CTNNA2: variants seen among roughly 807,000 people sequenced by gnomAD.
CTNNA2 encodes catenin alpha-2.
A neutral mutation model predicts 101.0 loss-of-function variants in CTNNA2; 42 were observed. The observed-to-expected ratio is 0.42, with a 90% confidence interval of 0.32 to 0.54. The LOEUF (loss-of-function observed/expected upper bound fraction) is 0.54, where lower values mean the gene tolerates loss of function less well. CTNNA2 is among the 20% of genes least tolerant of loss of function. The probability of loss-of-function intolerance (pLI) is 0.14; values close to 1 mark genes in which losing one functional copy is unlikely to be tolerated. For missense variants in CTNNA2, 871 were observed against 1,223.1 expected, an observed-to-expected ratio of 0.71 and a Z score of 4.29; for synonymous variants, 450 against 456.4, an observed-to-expected ratio of 0.99 and a Z score of 0.18.
chr2:80,560,138 C>T (rs956964942), intron 12 of CTNNA2, among the ~76,000 whole-genome samples: 2 of 151,544 alleles, frequency 1.3e-5, no homozygotes, highest in African/African-American at 4.8e-5. Context: ...ATTAAAATTC[C>T]ATTATTTTGG....
At chr2:79,575,767 A>G (rs555541375) in intron 1 of CTNNA2, among the ~76,000 whole-genome samples, 3 of 152,318 alleles carry the variant, frequency 2.0e-5, no homozygotes, top group East Asian at 3.9e-4. Context: ...TTTTATTCCA[A>G]ACAATATTAA....
intron 4 of CTNNA2, among the ~76,000 whole-genome samples, chr2:79,407,107 A>C (rs1678349371): frequency 6.6e-6 from 1 of 151,926 alleles, no homozygotes. Flanking sequence ...TATAACCCTG[A>C]CCTCCAGCTG....
chr2:80,137,732 GC>G (rs1702773475), intron 7 of CTNNA2, among the ~76,000 whole-genome samples: 1 of 141,144 alleles, frequency 7.1e-6, no homozygotes, highest in Admixed American at 7.2e-5. Flanking sequence ...TGGATCTCCT[GC>G]CTTTTTTTTT....
At chr2:80,641,884 A>G (rs1416053703) in intron 18 of CTNNA2, among the ~76,000 whole-genome samples, 1 of 152,128 alleles carries the variant, frequency 6.6e-6, no homozygotes, top group East Asian at 1.9e-4. Flanking sequence ...TCTTTGTAAA[A>G]ACAGTAAGGA....
chr2:80,526,323 C>G (rs1690030190), intron 9 of CTNNA2, among the ~76,000 whole-genome samples: 1 of 152,196 alleles, frequency 6.6e-6, no homozygotes, highest in African/African-American at 2.4e-5. Context: ...CCTCAGCCTC[C>G]TGAGTAGCTA....
At chr2:79,766,419 G>T (rs1308976326) in intron 3 of CTNNA2, among the ~76,000 whole-genome samples, 1 of 152,166 alleles carries the variant, frequency 6.6e-6, no homozygotes, top group Non-Finnish European at 1.5e-5. Context: ...TCCAGTGCAT[G>T]TTATTTGTTT....
chr2:79,669,140 T>C (rs1219780310), intron 2 of CTNNA2, among the ~76,000 whole-genome samples: 1 of 152,210 alleles, frequency 6.6e-6, no homozygotes, highest in Non-Finnish European at 1.5e-5. Context: ...TTTTCTTAGA[T>C]ATGCCCCACT....
chr2:79,506,317 T>G lies in CTNNA2; in HGVS notation c.-6+1135T>G, dbSNP rs1162901260. ...GTATATTGGTGCATGTGTTACAAGT[T>G]AAAAAAAAAAAAAGGAATTTCTTCA... On this transcript the variant is annotated intron_variant, in intron 5 of 21. Transcript: ENST00000466387. Among the ~76,000 whole-genome samples the G allele has an allele frequency of 2.1e-5, 3 of 141,670 alleles. No individual in the cohort carries two copies. In the South Asian group the frequency reaches 6.8e-4, roughly 32 times the overall value. The allele number at this position is 141,670 out of a possible 152,430, so 92.9% of individuals were successfully genotyped here. A position where few individuals can be genotyped will look rare whatever the true frequency, so the allele number is the denominator to read the frequency against.
At chr2:80,043,961 C>A (rs948163941) in intron 7 of CTNNA2, among the ~76,000 whole-genome samples, 1 of 152,136 alleles carries the variant, frequency 6.6e-6, no homozygotes, top group Non-Finnish European at 1.5e-5. Context: ...TGTATACACA[C>A]CCATGTTTGA....
intron 3 of CTNNA2, among the ~76,000 whole-genome samples, chr2:79,819,684 A>G (rs1558550309): frequency 1.3e-5 from 2 of 152,188 alleles, no homozygotes; most frequent in African/African-American, 4.8e-5. Context: ...TAATGGGTAC[A>G]AAAATACAGT....
intron 2 of CTNNA2, among the ~76,000 whole-genome samples, chr2:79,310,912 A>T (rs1573063652): frequency 6.6e-6 from 1 of 152,316 alleles, no homozygotes; most frequent in East Asian, 1.9e-4. Context: ...TAGAGTGGCC[A>T]TCTGTGCTCA....
chr2:79,393,062 T>C (rs1282812047), intron 4 of CTNNA2, among the ~76,000 whole-genome samples: 1 of 152,156 alleles, frequency 6.6e-6, no homozygotes, highest in African/African-American at 2.4e-5. Flanking sequence ...TGGATAAGGA[T>C]ATGATCAAAA....
chr2:80,313,552 A>C, intron 7 of CTNNA2: 1 of 1,610,676 alleles, frequency 6.2e-7, no homozygotes, highest in Non-Finnish European at 8.5e-7. Context: ...AAGGAAGACG[A>C]ATTGACCAGA....
intron 7 of CTNNA2, among the ~76,000 whole-genome samples, chr2:80,357,083 C>G (rs545993164): frequency 5.9e-5 from 9 of 152,138 alleles, no homozygotes; most frequent in African/African-American, 2.2e-4. Flanking sequence ...TTGAGGAGTG[C>G]TTAAATTATA....
intron 16 of CTNNA2, among the ~76,000 whole-genome samples, chr2:80,606,490 C>A (rs570065317): frequency 6.6e-6 from 1 of 151,098 alleles, no homozygotes; most frequent in African/African-American, 2.4e-5. Context: ...TCAAAATAAA[C>A]GGATTAAGTT....
At chr2:79,950,775 G>A (rs1688824671) in intron 7 of CTNNA2, among the ~76,000 whole-genome samples, 8 of 152,164 alleles carry the variant, frequency 5.3e-5, no homozygotes, top group Admixed American at 5.2e-4. Flanking sequence ...ACAGATGGCT[G>A]GCACATATAA....
At chr2:79,543,311 A>G (rs964346392) in intron 1 of CTNNA2, among the ~76,000 whole-genome samples, 6 of 152,216 alleles carry the variant, frequency 3.9e-5, no homozygotes, top group Non-Finnish European at 8.8e-5. Context: ...GATATCCTAT[A>G]AAAGAGTGTT....
intron 7 of CTNNA2, among the ~76,000 whole-genome samples, chr2:80,119,637 G>T (rs1701721445): frequency 6.6e-6 from 1 of 152,168 alleles, no homozygotes; most frequent in Non-Finnish European, 1.5e-5. Flanking sequence ...CAAGATAATT[G>T]TATTTACTTC....
intron 1 of CTNNA2, among the ~76,000 whole-genome samples, chr2:79,543,745 T>C (rs1275702748): frequency 3.9e-5 from 6 of 152,324 alleles, no homozygotes; most frequent in Non-Finnish European, 7.4e-5. Flanking sequence ...AATAAAACAT[T>C]GTGTCCATCT....
Sources: allele counts gnomAD v4.1 joint callset (sites outside exome capture counted in the v4.1 genomes callset), GRCh38; gene constraint gnomAD v4.1.1; transcripts MANE v1.5; gene names NCBI Gene and HGNC (gene_info 2026-07-23, HGNC 2026-07-21).